The following CAPZB variants were observed in gnomAD, a reference collection of about 807,000 sequenced individuals.
CAPZB encodes the protein F-actin-capping protein subunit beta.
In CAPZB, 2 loss-of-function variants were observed where a neutral mutation model predicts 38.1. The ratio of observed to expected loss-of-function variants is 0.05; its 90% CI spans 0.02 to 0.17. The LOEUF is 0.17. Ranked by LOEUF, CAPZB falls within the 10% of genes least tolerant of loss-of-function variation. The pLI is 1.00. For synonymous variants in CAPZB, 107 were observed against 127.4 expected, an observed-to-expected ratio of 0.84 and a Z score of 1.08; for missense variants, 161 against 334.2, an observed-to-expected ratio of 0.48 and a Z score of 4.04.
intron 1 of CAPZB, among the ~76,000 whole-genome samples, chr1:19,482,598 AG>A (rs2094633617): frequency 6.6e-6 from 1 of 152,262 alleles, no homozygotes; most frequent in Non-Finnish European, 1.5e-5. Context: ...TTACCTGCTA[AG>A]GGAATGCAAA....
chr1:19,441,175 G>A (rs1202146882), intron 1 of CAPZB, among the ~76,000 whole-genome samples: 2 of 152,194 alleles, frequency 1.3e-5, no homozygotes, highest in African/African-American at 2.4e-5. Flanking sequence ...CTGAAAACAC[G>A]TGAATCCCAG....
intron 1 of CAPZB, among the ~76,000 whole-genome samples, chr1:19,472,708 C>CTTTTTTTT (rs2094593438): frequency 9.9e-6 from 1 of 100,946 alleles, no homozygotes; most frequent in African/African-American, 4.2e-5. Flanking sequence ...TTTCATTCTT[C>CTTTTTTTT]ATTTTTTTTT....
chr1:19,427,000 CTT>C lies in CAPZB; in HGVS notation c.4-7252_4-7251del, dbSNP rs201807854. Among the ~76,000 whole-genome samples the C allele has an allele frequency of 5.4e-3, 818 of 152,264 alleles. 2 individuals are homozygous for C. The highest frequency in any genetic ancestry group is 7.7e-3 in the Non-Finnish European group (521 of 68,010). On this transcript the variant is annotated intron_variant, in intron 1 of 8. Transcript: ENST00000264202. ...GGCCAGAGAGGAGGAGAGCCAAAGA[CTT>C]TAAGGTCACAACAGATAGGACGAGG...
At chr1:19,475,825 T>C (rs1332599527) in intron 1 of CAPZB, among the ~76,000 whole-genome samples, 1 of 152,210 alleles carries the variant, frequency 6.6e-6, no homozygotes, top group East Asian at 1.9e-4. Context: ...TTCTTACATT[T>C]ATTAAGGACC....
chr1:19,379,056 C>T (rs1445735447), intron 3 of CAPZB, among the ~76,000 whole-genome samples: 5 of 151,974 alleles, frequency 3.3e-5, no homozygotes, highest in Admixed American at 3.3e-4. Context: ...TTCTTTCTTA[C>T]CCGCTTTCTC....
Position 19,356,372 on chromosome 1 carries a change from G to A in CAPZB, c.588+263C>T, listed in dbSNP as rs894492058. Among the ~76,000 whole-genome samples the A allele has an allele frequency of 6.6e-6, 1 of 152,164 alleles. No individual in the cohort carries two copies. The highest frequency in any genetic ancestry group is 1.9e-4 in the East Asian group (1 of 5,194). On this transcript the variant is annotated intron_variant, in intron 6 of 8. Coordinates refer to ENST00000264202, the MANE Select transcript of CAPZB (RefSeq NM_004930.5). The surrounding 1 kb of genome is among the most constrained non-coding windows in gnomAD (Gnocchi z 4.3). ...CATGAGCTGAAGCATGGGGATGTGCGGGGCCCTGAGGGGTAAGGAGGAGCC... is the reference window on the plus strand; with the variant it reads ...CATGAGCTGAAGCATGGGGATGTGCAGGGCCCTGAGGGGTAAGGAGGAGCC...
In CAPZB at chr1:19,402,939, C is replaced by T. The variant is rs550818072; in HGVS notation, c.93+16722G>A. Among the ~76,000 whole-genome samples the T allele has an allele frequency of 2.0e-4, 31 of 152,230 alleles. No individual in the cohort carries two copies. The South Asian group carries it at 6.4e-3, about 32-fold the overall frequency. ...TGGCAGGCACCTGTAATCCCAGCTA[C>T]TTGGGAGGCTGAGGCAGGAGAATTG... is the stretch of plus-strand genomic sequence containing the variant. On this transcript the variant is annotated intron_variant, in intron 2 of 8. Coordinates refer to ENST00000264202, the MANE Select transcript of CAPZB (RefSeq NM_004930.5).
intron 2 of CAPZB, among the ~76,000 whole-genome samples, chr1:19,418,971 C>G (rs1055318312): frequency 6.6e-6 from 1 of 152,226 alleles, no homozygotes; most frequent in Non-Finnish European, 1.5e-5. Flanking sequence ...AACTCACTGC[C>G]AAGTGATCAG....
chr1:19,438,136 T>TA lies in CAPZB; in HGVS notation c.4-18387dup, dbSNP rs200462508. Among the ~76,000 whole-genome samples, 811 of 152,204 alleles carry TA rather than the reference T, an allele frequency of 5.3e-3. 5 individuals carry two copies. Among genetic ancestry groups the TA allele is most frequent in the African/African-American group, 0.019 (775 of 41,524 alleles). On this transcript the variant is annotated intron_variant, in intron 1 of 8. Coordinates refer to ENST00000264202, the MANE Select transcript of CAPZB (RefSeq NM_004930.5). ...TGGTTCCGAGGTCATGCTCCTCACT[T>TA]AGAGGATCGTGGGAATGCTTACGGA...
At chr1:19,381,624 C>G (rs2094175277) in intron 3 of CAPZB, among the ~76,000 whole-genome samples, 1 of 151,094 alleles carries the variant, frequency 6.6e-6, no homozygotes, top group South Asian at 2.1e-4. Flanking sequence ...GGCTGGAGTG[C>G]AGTGATGTGA....
chr1:19,345,221 G>A lies in CAPZB; in HGVS notation c.620C>T (p.Ser207Phe), dbSNP rs549370964. The A allele has an allele frequency of 6.2e-7, 1 of 1,613,970 alleles. No homozygotes were observed. The highest frequency in any genetic ancestry group is 2.2e-5 in the East Asian group (1 of 44,882). The change falls in exon 7 of 9, where the codon TCC (serine) becomes TTC (phenylalanine). Residue 207 changes from serine to phenylalanine, a missense_variant. Transcript: ENST00000264202. ...MEKDETVSDC[S>F]PHIANIGRLV... is the part of the protein sequence containing the mutation. ...GCGCCCGATGTTGGCTATGTGTGGGGAGCAGTCACTCACAGTTTCATCCTT... is the reference window on the plus strand; with the variant it reads ...GCGCCCGATGTTGGCTATGTGTGGGAAGCAGTCACTCACAGTTTCATCCTT...
intron 4 of CAPZB, among the ~76,000 whole-genome samples, chr1:19,367,185 G>A (rs1270867874): frequency 6.6e-6 from 1 of 152,270 alleles, no homozygotes; most frequent in Non-Finnish European, 1.5e-5. Context: ...AGGGGCTGGA[G>A]AGTGTGGGTT....
intron 6 of CAPZB, among the ~76,000 whole-genome samples, chr1:19,347,008 A>T (rs12749756): frequency 0.038 from 5,516 of 146,292 alleles, 148 homozygotes; most frequent in African/African-American, 0.056. Flanking sequence ...TTTTATTTTT[A>T]TTTTTTATTT....
chr1:19,464,762 T>C (rs2094563824), intron 1 of CAPZB, among the ~76,000 whole-genome samples: 2 of 152,186 alleles, frequency 1.3e-5, no homozygotes. Flanking sequence ...AAATAAATCA[T>C]GTTACACGAA....
chr1:19,437,117 G>C (rs573705957), intron 1 of CAPZB, among the ~76,000 whole-genome samples: 3 of 152,334 alleles, frequency 2.0e-5, no homozygotes, highest in Admixed American at 2.0e-4. Context: ...TTCTCAGAAA[G>C]GTGTTTTCCT....
chr1:19,413,679 A>AT (rs2094367021), intron 2 of CAPZB, among the ~76,000 whole-genome samples: 2 of 152,126 alleles, frequency 1.3e-5, no homozygotes, highest in South Asian at 4.1e-4. Flanking sequence ...AAGGACGAAA[A>AT]ATGCTGGTCT....
intron 2 of CAPZB, among the ~76,000 whole-genome samples, chr1:19,412,073 T>C (rs1435249618): frequency 6.6e-6 from 1 of 152,174 alleles, no homozygotes; most frequent in Non-Finnish European, 1.5e-5. Flanking sequence ...ACCACAATTT[T>C]CCAAGGAATG....
intron 4 of CAPZB, among the ~76,000 whole-genome samples, chr1:19,372,026 C>T (rs2094121995): frequency 6.6e-6 from 1 of 152,222 alleles, no homozygotes; most frequent in South Asian, 2.1e-4. Flanking sequence ...CTGGAGAGGC[C>T]CTTGGGCCCT....
chr1:19,449,443 C>G, intron 1 of CAPZB: 1 of 513,778 alleles, frequency 1.9e-6, no homozygotes, highest in Non-Finnish European at 2.5e-6. Flanking sequence ...CATGGTATGT[C>G]CACTCAGTGG....
Sources: allele counts gnomAD v4.1 joint callset (sites outside exome capture counted in the v4.1 genomes callset), GRCh38; gene constraint gnomAD v4.1.1; non-coding constraint Gnocchi (gnomAD v3.1); transcripts MANE v1.5; gene names NCBI Gene and HGNC (gene_info 2026-07-23, HGNC 2026-07-21).